The following ADAM19 variants were observed in gnomAD, a reference collection of about 807,000 sequenced individuals.
The protein encoded by ADAM19 is disintegrin and metalloproteinase domain-containing protein 19.
Under a neutral mutation model 114.7 loss-of-function variants are expected in ADAM19, and 65 were observed. The ratio of observed to expected loss-of-function variants is 0.57; its 90% CI spans 0.46 to 0.70. ADAM19 has a LOEUF of 0.70. Among genes scored for constraint, ADAM19 ranks in the 30% least tolerant of loss-of-function variants. ADAM19 has a pLI of 0.00. For synonymous variants in ADAM19, 466 were observed against 460.5 expected (o/e 1.01, Z -0.15); for missense variants, 1,063 against 1,204.7 (o/e 0.88, Z 1.74).
At chr5:157,498,203 C>T (rs558151333) in intron 13 of ADAM19, among the ~76,000 whole-genome samples, 204 of 131,480 alleles carry the variant, frequency 1.6e-3, no homozygotes, top group African/African-American at 7.0e-3. Flanking sequence ...GCTTCTCCAC[C>T]GGCCACTCTC....
chr5:157,533,839 C>T (rs1429697640), intron 4 of ADAM19, among the ~76,000 whole-genome samples: 1 of 152,006 alleles, frequency 6.6e-6, no homozygotes, highest in Middle Eastern at 3.2e-3. Flanking sequence ...CATGGTGGTG[C>T]ACTCCTGTCG....
At position 157,479,023 on chromosome 5, in the gene ADAM19, T is replaced by C; in HGVS notation, c.*1926A>G. The C allele has an allele frequency of 9.1e-6, 9 of 985,772 alleles. No individual in the cohort carries two copies. The highest frequency in any genetic ancestry group is 1.1e-5 in the Non-Finnish European group (9 of 829,946). 61.1% of individuals were successfully genotyped at this position (985,772 alleles called of 1,614,324 possible). A position where few individuals can be genotyped will look rare whatever the true frequency, so the allele number is the denominator to read the frequency against. On this transcript the variant is annotated 3_prime_UTR_variant, in exon 23 of 23. Transcript: ENST00000257527. ...TGAAAGGGGATGTTTTCACCTTTAC[T>C]TTCCAGGAACCAAGCCTTGAGGCAG... is the stretch of plus-strand genomic sequence containing the variant.
intron 3 of ADAM19, among the ~76,000 whole-genome samples, chr5:157,547,501 C>T (rs559219628): frequency 1.3e-5 from 2 of 152,206 alleles, no homozygotes; most frequent in South Asian, 4.1e-4. Context: ...GCTATCTTGC[C>T]CTTCTCCCTT....
At chr5:157,481,726 C>G in intron 22 of ADAM19, 65 bp downstream of exon 22, 1 of 1,552,044 alleles carries the variant, frequency 6.4e-7, no homozygotes, top group Non-Finnish European at 8.7e-7. Flanking sequence ...TTTCTCAACT[C>G]TACACCTGCC....
chr5:157,484,605 G>A (rs983036959), intron 21 of ADAM19, among the ~76,000 whole-genome samples: 7 of 152,178 alleles, frequency 4.6e-5, no homozygotes, highest in Admixed American at 6.5e-5. Flanking sequence ...ACAAAGAGCC[G>A]AGATTTTCCC....
chr5:157,515,678 T>C (rs559214651), intron 7 of ADAM19, among the ~76,000 whole-genome samples: 20 of 152,284 alleles, frequency 1.3e-4, no homozygotes, highest in African/African-American at 4.8e-4. Context: ...GAAAGGACTG[T>C]CTCAAACTTA....
intron 19 of ADAM19, 128 bp downstream of exon 19, chr5:157,490,182 A>G: frequency 1.0e-6 from 1 of 985,356 alleles, no homozygotes; most frequent in Non-Finnish European, 1.6e-6. Context: ...GGGAGAGGGC[A>G]GCATGTATCT....
chr5:157,487,253 G>A lies in ADAM19; in HGVS notation c.2550+1012C>T, dbSNP rs189498483. Among the ~76,000 whole-genome samples, 475 of 151,804 alleles carry A rather than the reference G, an allele frequency of 3.1e-3. 2 individuals carry two copies. Among genetic ancestry groups the A allele is most frequent in the Non-Finnish European group, 4.4e-3 (302 of 67,960 alleles). On this transcript the variant is annotated intron_variant, in intron 21 of 22. Coordinates refer to ENST00000257527, the MANE Select transcript of ADAM19 (RefSeq NM_033274.5). ...CCCTGTCAATCTTTCCTCTCTTTCTGCATGGATTTTTCCATCCTACCTCTG... is the reference window on the plus strand; with the variant it reads ...CCCTGTCAATCTTTCCTCTCTTTCTACATGGATTTTTCCATCCTACCTCTG...
At position 157,569,416 on chromosome 5, in the gene ADAM19, C is replaced by CTTTT. The variant is rs1196722802; in HGVS notation, c.180+1475_180+1478dup. On this transcript the variant is annotated intron_variant, in intron 2 of 22. Coordinates refer to ENST00000257527, the MANE Select transcript of ADAM19 (RefSeq NM_033274.5). The stretch of plus-strand genomic sequence containing the variant: ...CACACCCCTAGGTCTAGCTAATTTT[C>CTTTT]TTTTTTTTTTTTTTTTTTTTTTGTA... Among the ~76,000 whole-genome samples the CTTTT allele has an allele frequency of 3.7e-3, 359 of 97,878 alleles. 2 individuals are homozygous for CTTTT. Among genetic ancestry groups the CTTTT allele is most frequent in the Non-Finnish European group, 4.6e-3 (230 of 49,812 alleles). 64.2% of individuals were successfully genotyped at this position (97,878 alleles called of 152,430 possible).
intron 7 of ADAM19, 52 bp downstream of exon 7, chr5:157,518,771 G>A: frequency 7.4e-7 from 1 of 1,348,470 alleles, no homozygotes; most frequent in Non-Finnish European, 1.1e-6. Flanking sequence ...AGCCTGGAAT[G>A]GAAGCTATCA....
At chr5:157,483,197 C>G (rs911644712) in intron 21 of ADAM19, among the ~76,000 whole-genome samples, 6 of 150,110 alleles carry the variant, frequency 4.0e-5, no homozygotes, top group Non-Finnish European at 7.4e-5. Flanking sequence ...TACCCCAGAA[C>G]TTAAAGTATA....
At chr5:157,543,160 T>G (rs999025981) in intron 3 of ADAM19, among the ~76,000 whole-genome samples, 3 of 152,220 alleles carry the variant, frequency 2.0e-5, no homozygotes, top group Admixed American at 1.3e-4. Flanking sequence ...ACGTCTTAGT[T>G]TCCCTTATCC....
intron 21 of ADAM19, among the ~76,000 whole-genome samples, chr5:157,486,251 A>G (rs1031192542): frequency 3.9e-5 from 6 of 152,190 alleles, no homozygotes; most frequent in Non-Finnish European, 8.8e-5. Flanking sequence ...GCAACCTCCA[A>G]GAGAAATGAG....
intron 5 of ADAM19, among the ~76,000 whole-genome samples, chr5:157,523,296 T>C (rs939796980): frequency 6.6e-6 from 1 of 152,172 alleles, no homozygotes; most frequent in African/African-American, 2.4e-5. Context: ...TATTCTACAG[T>C]GTATTGAAAA....
At chr5:157,545,410 G>A (rs969564736) in intron 3 of ADAM19, among the ~76,000 whole-genome samples, 2 of 152,192 alleles carry the variant, frequency 1.3e-5, no homozygotes, top group Admixed American at 6.5e-5. Flanking sequence ...TGCCTGGACA[G>A]TCAGATCTCA....
At chr5:157,517,344 G>A (rs1268345346) in intron 7 of ADAM19, among the ~76,000 whole-genome samples, 2 of 152,212 alleles carry the variant, frequency 1.3e-5, no homozygotes, top group Non-Finnish European at 2.9e-5. Flanking sequence ...GAGAGACCAA[G>A]GCCAGTGTCT....
chr5:157,503,047 G>C (rs1163941313), intron 11 of ADAM19, 67 bp from the exon 12 acceptor site: 15 of 1,475,816 alleles, frequency 1.0e-5, no homozygotes, highest in Non-Finnish European at 1.4e-5. Context: ...GGTGTCACTC[G>C]TGCTGTCACT....
intron 21 of ADAM19, among the ~76,000 whole-genome samples, chr5:157,487,601 A>G (rs1173529844): frequency 6.6e-6 from 1 of 152,222 alleles, no homozygotes; most frequent in Non-Finnish European, 1.5e-5. Context: ...GAGCCATCAG[A>G]GCACACACAC....
chr5:157,558,472 T>C (rs1757422863), intron 3 of ADAM19, among the ~76,000 whole-genome samples: 1 of 152,250 alleles, frequency 6.6e-6, no homozygotes. Flanking sequence ...GTAATCCATA[T>C]GTCTATGACT....
Sources: gnomAD v4.1 joint callset for allele counts (sites outside exome capture counted in the v4.1 genomes callset) on GRCh38, gnomAD v4.1.1 for gene constraint, MANE v1.5 for transcripts, NCBI Gene and HGNC (gene_info 2026-07-23, HGNC 2026-07-21) for gene names.